The following CSF2RA variants were observed in gnomAD, a reference collection of about 807,000 sequenced individuals.
CSF2RA encodes the protein colony stimulating factor 2 receptor subunit alpha.
A neutral mutation model predicts 51.6 loss-of-function variants in CSF2RA; 42 were observed. The ratio of observed to expected loss-of-function variants is 0.81; its 90% confidence interval spans 0.64 to 1.05. The LOEUF is 1.05. Among genes scored for constraint, CSF2RA ranks in the 50% least tolerant of loss-of-function variants. The probability of loss-of-function intolerance (pLI) is 0.00; values close to 1 mark genes in which losing one functional copy is unlikely to be tolerated. For synonymous variants in CSF2RA, 222 were observed against 193.0 expected (o/e 1.15, Z -1.24); for missense variants, 530 against 501.1 (o/e 1.06, Z -0.55).
At chrX:1,315,839 A>C in the CSF2RA span, among the ~76,000 whole-genome samples, 8 of 150,872 alleles carry the variant, frequency 5.3e-5, no homozygotes, top group African/African-American at 1.9e-4. Flanking sequence ...TGAATGGATA[A>C]ATAGATGGAT....
downstream of CSF2RA, among the ~76,000 whole-genome samples, chrX:1,314,262 C>A (rs367664876): frequency 0.097 from 2,183 of 22,600 alleles, 212 homozygotes; most frequent in East Asian, 0.26. Context: ...CTGCCCAACC[C>A]CACTGCGCCT....
At chrX:1,274,418 G>A (rs753976238) in intron 1 of CSF2RA, among the ~76,000 whole-genome samples, 1 of 150,438 alleles carries the variant, frequency 6.6e-6, no homozygotes, top group Admixed American at 6.7e-5. Context: ...TCCGCCTCCC[G>A]TGTTCAAGCT....
At chrX:1,308,910 G>A (rs1287817217) in intron 12 of CSF2RA, among the ~76,000 whole-genome samples, 5 of 152,218 alleles carry the variant, frequency 3.3e-5, no homozygotes, top group South Asian at 2.1e-4. Flanking sequence ...CCCATGGGTG[G>A]ATCTGTCTCA....
intron 2 of CSF2RA, among the ~76,000 whole-genome samples, chrX:1,280,949 T>TCCTCCTCCTC (rs2089897221): frequency 1.0e-4 from 2 of 19,862 alleles, no homozygotes; most frequent in Non-Finnish European, 2.1e-4. Flanking sequence ...TCCTCCTGCT[T>TCCTCCTCCTC]CTCCTCCTCC....
At chrX:1,305,901 T>A in intron 12 of CSF2RA, 1 of 957,086 alleles carries the variant, frequency 1.0e-6, no homozygotes, top group Non-Finnish European at 1.6e-6. Flanking sequence ...GCCAACGTGG[T>A]GAAACCCCAT....
At chrX:1,270,630 TTCAGTCCTCGGTCTGTTTAGTAAACAG>T (rs1209949570) in intron 1 of CSF2RA, among the ~76,000 whole-genome samples, 1 of 152,010 alleles carries the variant, frequency 6.6e-6, no homozygotes, top group East Asian at 1.9e-4. Context: ...TCTGTGTCTG[TTCAGTCCTCGGTCTGTTTAGTAAACAG>T]TATTGATCTG....
At chrX:1,285,509 C>T (rs1382141905) in intron 3 of CSF2RA, 6 of 489,674 alleles carry the variant, frequency 1.2e-5, no homozygotes, top group Non-Finnish European at 1.8e-5. Context: ...GCCTGACCAA[C>T]ATGGTGAAAC....
chrX:1,306,225 AGACT>A (rs1281467364), intron 12 of CSF2RA, among the ~76,000 whole-genome samples: 1 of 152,080 alleles, frequency 6.6e-6, no homozygotes, highest in African/African-American at 2.4e-5. Flanking sequence ...ACAGGCAGAC[AGACT>A]GACAGAAACA....
intron 4 of CSF2RA, among the ~76,000 whole-genome samples, chrX:1,288,254 G>T (rs1370287190): frequency 6.7e-6 from 1 of 149,866 alleles, no homozygotes; most frequent in Non-Finnish European, 1.5e-5. Context: ...GGCCGAGGCG[G>T]GTGGATCACC....
chrX:1,285,435 T>C lies in CSF2RA; in HGVS notation c.77-343T>C, dbSNP rs568100168. ...CCGGCCGGGCACGGTGGCTCACGCC[T>C]GTTATCCCAGCACTTCGGGAGGCTG... is the stretch of plus-strand genomic sequence containing the variant. On this transcript the variant is annotated intron_variant, in intron 3 of 12. Coordinates refer to ENST00000381529, the MANE Select transcript of CSF2RA (RefSeq NM_172245.4). Among the ~76,000 whole-genome samples the C allele has an allele frequency of 4.0e-4, 61 of 151,914 alleles. 1 individual carries two copies. The South Asian group carries it at 0.012, about 31-fold the overall frequency.
rs1314055188 is a variant in CSF2RA at position 1,290,622 on chromosome X, T to G, written c.646+113T>G. 2.7e-6 allele frequency: 3 copies of G among 1,110,906 alleles called. No individual in the cohort carries two copies. The African/African-American group carries it at 4.6e-5, about 17-fold the overall frequency. 68.8% of individuals were successfully genotyped at this position (1,110,906 alleles called of 1,614,324 possible). On this transcript the variant is annotated intron_variant, in intron 7 of 12. Coordinates refer to ENST00000381529, the MANE Select transcript of CSF2RA (RefSeq NM_172245.4). The stretch of plus-strand genomic sequence containing the variant: ...TCTCACACCTGTAATCTCAGCACTT[T>G]GGGAGGCCGAGGCGGGCCGATCACC...
In CSF2RA at chrX:1,288,859, C is replaced by G; in HGVS notation, c.444C>G (p.Val148=). The G allele has an allele frequency of 6.2e-7, 1 of 1,613,668 alleles. No individual in the cohort carries two copies. The highest frequency in any genetic ancestry group is 1.1e-5 in the South Asian group (1 of 91,060). The change falls in exon 6 of 13, where the codon GTC becomes GTG. Residue 148 remains valine (V), a synonymous_variant. Transcript: ENST00000381529. ...WARGPTAPRD[V]QYFLYIRNSK... is the part of the protein sequence containing the mutation. ...GGGGTCCGACGGCCCCCCGTGACGTCCAGTATTTTTTGTACATACGAAACT... is the reference window on the plus strand; with the variant it reads ...GGGGTCCGACGGCCCCCCGTGACGTGCAGTATTTTTTGTACATACGAAACT...
intron 2 of CSF2RA, among the ~76,000 whole-genome samples, chrX:1,277,008 A>G (rs1406489559): frequency 3.9e-5 from 6 of 152,044 alleles, no homozygotes; most frequent in Non-Finnish European, 8.8e-5. Flanking sequence ...CTGAGGCAGG[A>G]GGACCACTTG....
At position 1,308,621 on chromosome X, in the gene CSF2RA, A is replaced by G. The variant is rs759761040; in HGVS notation, c.1126-781A>G. Among the ~76,000 whole-genome samples the G allele has an allele frequency of 1.4e-4, 21 of 152,054 alleles. No individual in the cohort carries two copies. The East Asian group carries it at 3.5e-3, about 25-fold the overall frequency. ...GCGCCCTCTTCTCTGCCACATAGGT[A>G]ACATCCTCCTGGTTGCCACTTGCAC... On this transcript the variant is annotated intron_variant, in intron 12 of 12. Transcript: ENST00000381529.
chrX:1,287,821 G>C lies in CSF2RA; in HGVS notation c.220-698G>C, dbSNP rs1307087904. On this transcript the variant is annotated intron_variant, in intron 4 of 12. Coordinates refer to ENST00000381529, the MANE Select transcript of CSF2RA (RefSeq NM_172245.4). ...GCGTGATCTCAGCTCACTGCAACCT[G>C]TGCCTCCTGGGTTCAAGAGAGTCTC... Among the ~76,000 whole-genome samples, 6 of 137,918 alleles carry C rather than the reference G, an allele frequency of 4.4e-5. 1 individual carries two copies. In the South Asian group the frequency reaches 1.2e-3, roughly 27 times the overall value. The allele number at this position is 137,918 out of a possible 152,430, so 90.5% of individuals were successfully genotyped here.
chrX:1,284,198 T>C (rs1407328588), intron 3 of CSF2RA, among the ~76,000 whole-genome samples: 2 of 52,772 alleles, frequency 3.8e-5, no homozygotes, highest in African/African-American at 4.3e-5. Flanking sequence ...TGTCTCTCTT[T>C]TTTTTTTTTT....
intron 4 of CSF2RA, among the ~76,000 whole-genome samples, chrX:1,286,703 T>C (rs1481754222): frequency 2.0e-5 from 3 of 152,206 alleles, no homozygotes; most frequent in African/African-American, 4.8e-5. Flanking sequence ...TGTTAGCTCA[T>C]GTCCACAATG....
intron 10 of CSF2RA, 38 bp from the exon 11 acceptor site, chrX:1,303,885 A>G (rs2083269416): frequency 6.6e-7 from 1 of 1,509,512 alleles, no homozygotes; most frequent in Non-Finnish European, 9.2e-7. Context: ...ATGTCCGTCA[A>G]CGATTCACCG....
intron 6 of CSF2RA, 118 bp downstream of exon 6, chrX:1,289,006 G>A: frequency 7.1e-7 from 1 of 1,410,620 alleles, no homozygotes; most frequent in South Asian, 1.2e-5. Flanking sequence ...CTGTTGCCCA[G>A]GCTGCAATGC....
Sources: gnomAD v4.1 joint callset for allele counts (sites outside exome capture counted in the v4.1 genomes callset) on GRCh38, gnomAD v4.1.1 for gene constraint, MANE v1.5 for transcripts, NCBI Gene and HGNC (gene_info 2026-07-23, HGNC 2026-07-21) for gene names.